The following PNPLA7 variants were observed in gnomAD, a reference collection of about 807,000 sequenced individuals.
The protein encoded by PNPLA7 is patatin-like phospholipase domain-containing protein 7.
PNPLA7 carries 153 observed loss-of-function variants against 161.7 expected under a neutral mutation model. The ratio of observed to expected loss-of-function variants is 0.95; its 90% CI spans 0.83 to 1.08. The LOEUF (loss-of-function observed/expected upper bound fraction) is 1.08. Ranked by LOEUF, PNPLA7 falls within the 50% of genes least tolerant of loss-of-function variation. The pLI, the probability that PNPLA7 is intolerant of heterozygous loss-of-function variation, is 0.00. For synonymous variants in PNPLA7, 809 were observed against 782.1 expected, an observed-to-expected ratio of 1.03 and a Z score of -0.57; for missense variants, 1,739 against 1,856.6, an observed-to-expected ratio of 0.94 and a Z score of 1.16.
intron 12 of PNPLA7, among the ~76,000 whole-genome samples, chr9:137,507,631 T>C (rs1263844238): frequency 6.6e-6 from 1 of 152,118 alleles, no homozygotes; most frequent in Non-Finnish European, 1.5e-5. Flanking sequence ...ATCGCACCAT[T>C]GCACTCCAGC....
In PNPLA7 at chr9:137,468,025, G is replaced by A. The variant is rs989085022; in HGVS notation, c.2883-552C>T. On this transcript the variant is annotated intron_variant, in intron 25 of 34. Transcript: ENST00000406427. The surrounding 1 kb of genome is among the most constrained non-coding windows in gnomAD (Gnocchi z 4.0). ...TGACCGGCATTGGCCTCTTCTACCC[G>A]GAAACACGGCTGCCTCCAGCAGGGC... 2.0e-5 allele frequency among the ~76,000 whole-genome samples: 3 copies of A among 152,132 alleles called. No homozygotes were observed. Among genetic ancestry groups the A allele is most frequent in the Non-Finnish European group, 2.9e-5 (2 of 68,022 alleles).
chr9:137,541,559 C>CA lies in PNPLA7; in HGVS notation c.667-838_667-837insT. The CA allele has an allele frequency of 1.1e-6, 1 of 938,428 alleles. No homozygotes were observed. Among genetic ancestry groups the CA allele is most frequent in the Non-Finnish European group, 1.3e-6 (1 of 787,102 alleles). 58.1% of individuals were successfully genotyped at this position (938,428 alleles called of 1,614,324 possible). ...AGGTCAGGGTGATGATCACACAAAGCCCAGGGTTTGCTGAGTGCGTGCTTT... is the reference window on the plus strand; with the variant it reads ...AGGTCAGGGTGATGATCACACAAAGCACCAGGGTTTGCTGAGTGCGTGCTTT... On this transcript the variant is annotated intron_variant, in intron 7 of 34. Transcript: ENST00000406427. This position sits in a 1 kb window ranked among gnomAD's most constrained non-coding sequence, Gnocchi z 4.4.
At position 137,543,923 on chromosome 9, in the gene PNPLA7, C is replaced by T; in HGVS notation, c.274-108G>A. ...ACCTGCCTGTGGGCCTCCCACAGTC[C>T]CAGCTTCAGCTCCTGGGGTCTGGCT... On this transcript the variant is annotated intron_variant, in intron 4 of 34. Transcript: ENST00000406427. This position sits in a 1 kb window ranked among gnomAD's most constrained non-coding sequence, Gnocchi z 6.9. 1.2e-6 allele frequency: 1 copy of T among 867,576 alleles called. No individual in the cohort carries two copies. Among genetic ancestry groups the T allele is most frequent in the Middle Eastern group, 2.5e-4 (1 of 4,076 alleles). 53.7% of individuals were successfully genotyped at this position (867,576 alleles called of 1,614,324 possible).
At chr9:137,544,453 A>G (rs1016145820) in intron 4 of PNPLA7, among the ~76,000 whole-genome samples, 1 of 152,142 alleles carries the variant, frequency 6.6e-6, no homozygotes, top group African/African-American at 2.4e-5. Flanking sequence ...CCGACACTCA[A>G]CAGACCGCCT....
chr9:137,507,189 C>G (rs1010870741), intron 12 of PNPLA7, among the ~76,000 whole-genome samples: 1 of 152,210 alleles, frequency 6.6e-6, no homozygotes, highest in Non-Finnish European at 1.5e-5. Context: ...ATTACTCATG[C>G]CCCCGTCAAG....
chr9:137,497,164 C>T (rs371359918), intron 18 of PNPLA7, 23 bp downstream of exon 18: 218 of 1,525,122 alleles, frequency 1.4e-4, no homozygotes, highest in Non-Finnish European at 1.5e-4. Context: ...GTGGGGGAGG[C>T]AGGAGCAGGG....
At position 137,492,101 on chromosome 9, in the gene PNPLA7, T is replaced by A. The variant is rs887057784; in HGVS notation, c.2197+912A>T. On this transcript the variant is annotated intron_variant, in intron 20 of 34. Coordinates refer to ENST00000406427, the MANE Select transcript of PNPLA7 (RefSeq NM_001098537.3). Reference sequence around the variant, plus strand: ...GAGATAAAGGGTCAGAGTCCTTGAGTATGTGGGACCTGGTGAGAGAGGACA... The same window carrying A: ...GAGATAAAGGGTCAGAGTCCTTGAGAATGTGGGACCTGGTGAGAGAGGACA... 3 of 985,134 alleles carry A rather than the reference T, an allele frequency of 3.0e-6. No homozygotes were observed. In the African/African-American group the frequency reaches 5.2e-5, roughly 17 times the overall value. 61.0% of individuals were successfully genotyped at this position (985,134 alleles called of 1,614,324 possible).
intron 4 of PNPLA7, among the ~76,000 whole-genome samples, chr9:137,546,591 G>A (rs962693373): frequency 6.6e-6 from 1 of 152,140 alleles, no homozygotes; most frequent in African/African-American, 2.4e-5. Flanking sequence ...GGCCTGAGAG[G>A]GTGAGGGGTT....
Position 137,484,558 on chromosome 9 carries a change from T to C in PNPLA7, c.2347+29A>G, listed in dbSNP as rs772952270. 8 of 1,561,448 alleles carry C rather than the reference T, an allele frequency of 5.1e-6. No homozygotes were observed. In the South Asian group the frequency reaches 8.2e-5, roughly 16 times the overall value. On this transcript the variant is annotated intron_variant, in intron 21 of 34. Coordinates refer to ENST00000406427, the MANE Select transcript of PNPLA7 (RefSeq NM_001098537.3). ...CTCCACCAGGCCCAGAACCCAAGGA[T>C]GGCTGGAGGCTGGGAGGCTCAGGCT...
chr9:137,482,973 A>G (rs1832296126), intron 21 of PNPLA7, among the ~76,000 whole-genome samples: 1 of 152,160 alleles, frequency 6.6e-6, no homozygotes, highest in African/African-American at 2.4e-5. Context: ...CCCGGGGTCA[A>G]GCGATTCTCC....
At position 137,541,554 on chromosome 9, in the gene PNPLA7, C is replaced by A; in HGVS notation, c.667-832G>T. ...CCTGCAGGTCAGGGTGATGATCACA[C>A]AAAGCCCAGGGTTTGCTGAGTGCGT... On this transcript the variant is annotated intron_variant, in intron 7 of 34. Transcript: ENST00000406427. The surrounding 1 kb of genome is among the most constrained non-coding windows in gnomAD (Gnocchi z 4.4). The A allele has an allele frequency of 1.1e-6, 1 of 950,820 alleles. No individual in the cohort carries two copies. Among genetic ancestry groups the A allele is most frequent in the Non-Finnish European group, 1.3e-6 (1 of 798,438 alleles). 58.9% of individuals were successfully genotyped at this position (950,820 alleles called of 1,614,324 possible).
At position 137,505,717 on chromosome 9, in the gene PNPLA7, G is replaced by C; in HGVS notation, c.1370C>G (p.Ser457Cys). Residue 457 changes from serine (S) to cysteine (C), a missense_variant, in exon 14 of 35, where the codon TCC becomes TGC. Physicochemically the swap from Ser to Cys is moderately radical, Grantham distance 112 (BLOSUM62 -1). Coordinates refer to ENST00000406427, the MANE Select transcript of PNPLA7 (RefSeq NM_001098537.3). The part of the protein sequence containing the change: ...VMVAEIPSTV[S>C]QHSESHTDET... The stretch of plus-strand genomic sequence containing the variant: ...ATCCGTGTGACTCTCTGAGTGCTGG[G>C]AGACCGTGGAGGGTATCTCTGCAAC... The C allele has an allele frequency of 6.2e-7, 1 of 1,614,122 alleles. No homozygotes were observed. Among genetic ancestry groups the C allele is most frequent in the Non-Finnish European group, 8.5e-7 (1 of 1,180,028 alleles).
Position 137,464,157 on chromosome 9 carries a change from G to C in PNPLA7, c.3195C>G (p.Ile1065Met). ...WIPYFAITTD[I>M]TASAMRVHTD... ...TGTGGACCCGCATGGCCGAGGCTGTGATGTCGGTGGTGATGGCGAAATAAG... is the reference window on the plus strand; with the variant it reads ...TGTGGACCCGCATGGCCGAGGCTGTCATGTCGGTGGTGATGGCGAAATAAG... The change falls in exon 28 of 35, where the codon ATC (isoleucine) becomes ATG (methionine). Residue 1065 changes from isoleucine to methionine, a missense_variant. By Grantham distance (10) the Ile-to-Met change is conservative. This residue lies in a region of PNPLA7 where 703 missense variants were observed against 694.6 expected (regional missense o/e 1.01). Coordinates refer to ENST00000406427, the MANE Select transcript of PNPLA7 (RefSeq NM_001098537.3). 1.9e-6 allele frequency: 3 copies of C among 1,613,826 alleles called. No homozygotes were observed. Among genetic ancestry groups the C allele is most frequent in the East Asian group, 2.2e-5 (1 of 44,874 alleles).
In PNPLA7 at chr9:137,537,532, G is replaced by A. The variant is rs374142622; in HGVS notation, c.747+3110C>T. On this transcript the variant is annotated intron_variant, in intron 8 of 34. Coordinates refer to ENST00000406427, the MANE Select transcript of PNPLA7 (RefSeq NM_001098537.3). The surrounding 1 kb of genome is among the most constrained non-coding windows in gnomAD (Gnocchi z 4.5). ...GGGTTTCACCATGTTGGCCAGGATG[G>A]TCTCGATCTCCTGACCTCGTGATCC... Among the ~76,000 whole-genome samples the A allele has an allele frequency of 6.6e-6, 1 of 152,258 alleles. No individual in the cohort carries two copies. Among genetic ancestry groups the A allele is most frequent in the East Asian group, 1.9e-4 (1 of 5,176 alleles).
chr9:137,509,899 C>T (rs1481738035), intron 12 of PNPLA7: 1 of 332,412 alleles, frequency 3.0e-6, no homozygotes, highest in Non-Finnish European at 6.1e-6. Flanking sequence ...TATCATTAAT[C>T]ATTAGTTGGT....
rs1254623000 is a variant in PNPLA7, at chr9:137,492,880, T to C, written c.2197+133A>G. On this transcript the variant is annotated intron_variant, in intron 20 of 34. Coordinates refer to ENST00000406427, the MANE Select transcript of PNPLA7 (RefSeq NM_001098537.3). ...AGGGCTTCATGACAGGGAAGGGCCA[T>C]GGACTGGGTGGGCAGGGCTCCAGGA... 9 of 650,410 alleles carry C rather than the reference T, an allele frequency of 1.4e-5. No individual in the cohort carries two copies. The Admixed American group carries it at 1.7e-4, about 12-fold the overall frequency. The allele number at this position is 650,410 out of a possible 1,614,324, so 40.3% of individuals were successfully genotyped here.
At position 137,463,467 on chromosome 9, in the gene PNPLA7, G is replaced by A. The variant is rs1406480159; in HGVS notation, c.3291C>T (p.Asp1097=). 2 of 1,595,972 alleles carry A rather than the reference G, an allele frequency of 1.3e-6. No individual in the cohort carries two copies. The highest frequency in any genetic ancestry group is 1.7e-6 in the Non-Finnish European group (2 of 1,171,408). The part of the protein sequence containing the change: ...SLSGYMPPLC[D]PKDGHLLMDG... Reference sequence around the variant, plus strand: ...CCATCAGCAGGTGTCCGTCCTTCGGGTCACAGAGAGGGGGCATGTAACCGG... The same window carrying A: ...CCATCAGCAGGTGTCCGTCCTTCGGATCACAGAGAGGGGGCATGTAACCGG... The change falls in exon 29 of 35, where the codon GAC becomes GAT. Residue 1097 remains aspartate, a synonymous_variant. Coordinates refer to ENST00000406427, the MANE Select transcript of PNPLA7 (RefSeq NM_001098537.3).
intron 14 of PNPLA7, among the ~76,000 whole-genome samples, chr9:137,502,713 GGGGGACGC>G (rs1833530606): frequency 3.9e-5 from 4 of 103,290 alleles, no homozygotes; most frequent in Non-Finnish European, 4.1e-5. Context: ...CGGGGGACGC[GGGGGACGC>G]GGGGGACGGG....
chr9:137,519,266 C>T (rs983690608), intron 11 of PNPLA7, among the ~76,000 whole-genome samples: 8 of 152,240 alleles, frequency 5.3e-5, no homozygotes, highest in South Asian at 2.1e-4. Context: ...CACAGATCGT[C>T]GTGGGGTGAC....
Sources: gnomAD v4.1 joint callset for allele counts (sites outside exome capture counted in the v4.1 genomes callset) on GRCh38, gnomAD v4.1.1 for gene constraint, gnomAD v4.1.1 regional missense constraint, Gnocchi (gnomAD v3.1) non-coding constraint, MANE v1.5 for transcripts, NCBI Gene and HGNC (gene_info 2026-07-23, HGNC 2026-07-21) for gene names.